CHST10: variants seen among roughly 807,000 people sequenced by gnomAD.
CHST10 encodes carbohydrate sulfotransferase 10, also known as HNK-1 sulfotransferase.
In CHST10, 24 loss-of-function variants were observed where a neutral mutation model predicts 34.7. That is an observed-to-expected ratio of 0.69 (90% confidence interval 0.50 to 0.97). The LOEUF (loss-of-function observed/expected upper bound fraction) is 0.97, where lower values mean the gene tolerates loss of function less well. Ranked by LOEUF, CHST10 falls within the 50% of genes least tolerant of loss-of-function variation. The pLI is 0.00. For missense variants in CHST10, 402 were observed against 452.1 expected (o/e 0.89, Z 1.00); for synonymous variants, 161 against 169.3 (o/e 0.95, Z 0.38).
intron 1 of CHST10, chr2:100,416,203 T>C (rs1676061237): frequency 6.6e-6 from 1 of 152,210 alleles, no homozygotes; most frequent in Admixed American, 6.5e-5. Context: ...CCCCTGTTTC[T>C]ATTCCTGGCT....
chr2:100,397,400 C>G (rs987687658), intron 5 of CHST10, among the ~76,000 whole-genome samples: 5 of 152,214 alleles, frequency 3.3e-5, no homozygotes. Flanking sequence ...GGTACAATTT[C>G]TTCCTGCTCG....
Position 100,393,898 on chromosome 2 carries a change from G to A in CHST10, c.534-116C>T, listed in dbSNP as rs780010692. On this transcript the variant is annotated intron_variant, in intron 6 of 6. Transcript: ENST00000264249. ...ACTGTGTATGGGACCCTCACGTGCC[G>A]AGGCTGCCATGAATGCATTCCACAC... is the stretch of plus-strand genomic sequence containing the variant. 54 of 769,962 alleles carry A rather than the reference G, an allele frequency of 7.0e-5. No individual in the cohort carries two copies. In the Middle Eastern group the frequency reaches 1.1e-3, roughly 16 times the overall value. 47.7% of individuals were successfully genotyped at this position (769,962 alleles called of 1,614,324 possible).
At chr2:100,412,412 G>A (rs1003036752) in intron 2 of CHST10, among the ~76,000 whole-genome samples, 7 of 152,166 alleles carry the variant, frequency 4.6e-5, no homozygotes, top group South Asian at 4.1e-4. Flanking sequence ...TCTACCTGAA[G>A]GTGTCTGGCT....
chr2:100,413,639 T>C (rs1321870117), intron 2 of CHST10, among the ~76,000 whole-genome samples: 2 of 152,246 alleles, frequency 1.3e-5, no homozygotes. Context: ...CATCTCTTGA[T>C]GCAAATCCTT....
At chr2:100,414,422 G>C (rs1372945961) in intron 2 of CHST10, among the ~76,000 whole-genome samples, 1 of 152,110 alleles carries the variant, frequency 6.6e-6, no homozygotes, top group East Asian at 1.9e-4. Context: ...ACCCCAGGAG[G>C]ATGACAGGTG....
Position 100,398,121 on chromosome 2 carries a change from C to G in CHST10, c.214G>C (p.Asp72His). The G allele has an allele frequency of 6.2e-7, 1 of 1,612,356 alleles. No homozygotes were observed. The highest frequency in any genetic ancestry group is 8.5e-7 in the Non-Finnish European group (1 of 1,179,034). ...ACCAGGGGCTGAACGAGCTGGCTGTCTGGAAGCTCCTTCCCAGTTGGCTGC... is the reference window on the plus strand; with the variant it reads ...ACCAGGGGCTGAACGAGCTGGCTGTGTGGAAGCTCCTTCCCAGTTGGCTGC... ...ELKPTGKELP[D>H]SQLVQPLVYM... is the part of the protein sequence containing the mutation. Residue 72 changes from aspartate to histidine, a missense_variant, in exon 5 of 7, where the codon GAC (aspartate) becomes CAC (histidine). Physicochemically the swap from Asp to His is moderately conservative, Grantham distance 81. Transcript: ENST00000264249.
chr2:100,403,656 G>A (rs1008917739), intron 3 of CHST10, among the ~76,000 whole-genome samples: 1 of 152,168 alleles, frequency 6.6e-6, no homozygotes, highest in African/African-American at 2.4e-5. Flanking sequence ...CCAGAGGACA[G>A]AGCTGAAAGG....
intron 3 of CHST10, among the ~76,000 whole-genome samples, chr2:100,405,332 G>A (rs1573189869): frequency 6.6e-6 from 1 of 152,198 alleles, no homozygotes; most frequent in Non-Finnish European, 1.5e-5. Context: ...CCTGGAGGAT[G>A]AGGCAGGACA....
intron 2 of CHST10, among the ~76,000 whole-genome samples, chr2:100,411,977 GA>G (rs2104252638): frequency 6.6e-6 from 1 of 152,244 alleles, no homozygotes; most frequent in East Asian, 1.9e-4. Flanking sequence ...GGCTGAGGCA[GA>G]TGCAGGCCAG....
intron 4 of CHST10, among the ~76,000 whole-genome samples, chr2:100,400,187 T>C (rs930051805): frequency 2.0e-5 from 3 of 152,228 alleles, no homozygotes; most frequent in African/African-American, 7.2e-5. Context: ...TGCTTTTCTT[T>C]GAACAAAGAA....
At chr2:100,402,267 C>T (rs1573184702) in intron 4 of CHST10, among the ~76,000 whole-genome samples, 1 of 152,214 alleles carries the variant, frequency 6.6e-6, no homozygotes, top group Admixed American at 6.5e-5. Context: ...CCTGACCCTG[C>T]CCAATACTCT....
At chr2:100,408,005 C>A (rs568348517) in intron 2 of CHST10, 9 of 152,062 alleles carry the variant, frequency 5.9e-5, no homozygotes, top group Non-Finnish European at 8.8e-5. Context: ...TACTTATACT[C>A]CCCCCCAAAA....
rs773494519 is a variant in CHST10, at chr2:100,397,936, C to T, written c.399G>A (p.Gln133=). The T allele has an allele frequency of 2.3e-5, 37 of 1,613,742 alleles. No homozygotes were observed. ...FCQTPKVGNT[Q]WKKVLIVLNG... ...TTAGAACAATCAGCACTTTCTTCCACTGGGTGTTGCCCACTTTGGGAGTCT... is the reference window on the plus strand; with the variant it reads ...TTAGAACAATCAGCACTTTCTTCCATTGGGTGTTGCCCACTTTGGGAGTCT... Residue 133 remains glutamine (Q), a synonymous_variant, in exon 5 of 7, where the codon CAG becomes CAA. Coordinates refer to ENST00000264249, the MANE Select transcript of CHST10 (RefSeq NM_004854.5).
At chr2:100,417,288 G>T in intron 1 of CHST10, 86 bp downstream of exon 1, 1 of 347,458 alleles carries the variant, frequency 2.9e-6, no homozygotes, top group South Asian at 2.2e-5. Context: ...CAAAACCCGC[G>T]GGTTCCCCGG....
intron 3 of CHST10, among the ~76,000 whole-genome samples, chr2:100,404,359 C>A (rs930862297): frequency 3.3e-5 from 5 of 152,168 alleles, no homozygotes; most frequent in African/African-American, 1.2e-4. Flanking sequence ...TCTCACAGGG[C>A]AGGGAAAGTG....
chr2:100,401,478 T>C (rs930586876), intron 4 of CHST10, among the ~76,000 whole-genome samples: 2 of 152,204 alleles, frequency 1.3e-5, no homozygotes, highest in Admixed American at 1.3e-4. Context: ...TCACAGGGTA[T>C]GGCATCCTTG....
chr2:100,416,902 C>A, intron 1 of CHST10: 1 of 1,213,304 alleles, frequency 8.2e-7, no homozygotes, highest in South Asian at 1.3e-5. Context: ...TCGGACAGGC[C>A]TCCTGACAGC....
At chr2:100,394,529 G>C (rs995663390) in intron 6 of CHST10, among the ~76,000 whole-genome samples, 6 of 152,204 alleles carry the variant, frequency 3.9e-5, no homozygotes, top group Non-Finnish European at 1.5e-5. Flanking sequence ...GGTAAGGGTT[G>C]TAAGGATGGG....
chr2:100,408,872 G>A (rs1262330208), intron 2 of CHST10, among the ~76,000 whole-genome samples: 2 of 151,796 alleles, frequency 1.3e-5, no homozygotes, highest in African/African-American at 4.8e-5. Context: ...GCCAGCTGCA[G>A]GCCATTTCTA....
Sources: allele counts gnomAD v4.1 joint callset (sites outside exome capture counted in the v4.1 genomes callset), GRCh38; gene constraint gnomAD v4.1.1; transcripts MANE v1.5; gene names NCBI Gene and HGNC (gene_info 2026-07-23, HGNC 2026-07-21).